The following ADAMTS2 variants were observed in gnomAD, a reference collection of about 807,000 sequenced individuals.
ADAMTS2 encodes A disintegrin and metalloproteinase with thrombospondin motifs 2.
Under a neutral mutation model 123.0 loss-of-function variants are expected in ADAMTS2, and 50 were observed. The ratio of observed to expected loss-of-function variants is 0.41; its 90% confidence interval spans 0.32 to 0.51. The LOEUF (loss-of-function observed/expected upper bound fraction) is 0.51. ADAMTS2 is among the 20% of genes least tolerant of loss of function. The pLI, the probability that ADAMTS2 is intolerant of heterozygous loss-of-function variation, is 0.35. For synonymous variants in ADAMTS2, 678 were observed against 695.4 expected, an observed-to-expected ratio of 0.98 and a Z score of 0.39; for missense variants, 1,494 against 1,705.2, an observed-to-expected ratio of 0.88 and a Z score of 2.18.
At chr5:179,154,253 C>A in intron 7 of ADAMTS2, 61 bp from the exon 8 acceptor site, 1 of 1,534,084 alleles carries the variant, frequency 6.5e-7, no homozygotes, top group Non-Finnish European at 8.7e-7. Flanking sequence ...AGTCCCACCC[C>A]ACCCCGATGA....
At chr5:179,318,061 G>A (rs540508331) in intron 2 of ADAMTS2, among the ~76,000 whole-genome samples, 85 of 152,272 alleles carry the variant, frequency 5.6e-4, no homozygotes, top group South Asian at 5.0e-3. Context: ...CCCTGGCCAC[G>A]TCTCTACCCT....
At chr5:179,125,281 GCA>G (rs1762834350) in intron 18 of ADAMTS2, 101 bp from the exon 19 acceptor site, 4 of 1,044,130 alleles carry the variant, frequency 3.8e-6, no homozygotes, top group South Asian at 2.6e-5. Flanking sequence ...TAGACAGCGA[GCA>G]CAGAGGGCAG....
At position 179,139,941 on chromosome 5, in the gene ADAMTS2, C is replaced by T. The variant is rs765220801; in HGVS notation, c.1724G>A (p.Arg575His). Residue 575 changes from arginine to histidine, a missense_variant, in exon 11 of 22, where the codon CGT becomes CAT. By Grantham distance (29) the Arg-to-His change is conservative (BLOSUM62 0). Coordinates refer to ENST00000251582, the MANE Select transcript of ADAMTS2 (RefSeq NM_014244.5). ...GAACTTCACGCCCGTGCCACAGGTA[C>T]GTGAGCAGGAGCCAAACGGACTCCA... ...GAWSPFGSCS[R>H]TCGTGVKFRT... is the part of the protein sequence containing the mutation. 8.1e-6 allele frequency: 13 copies of T among 1,613,298 alleles called. No homozygotes were observed. The highest frequency in any genetic ancestry group is 3.3e-5 in the Admixed American group (2 of 60,026).
At position 179,207,642 on chromosome 5, in the gene ADAMTS2, C is replaced by T. The variant is rs753246905; in HGVS notation, c.762G>A (p.Arg254=). 49 of 1,613,668 alleles carry T rather than the reference C, an allele frequency of 3.0e-5. No individual in the cohort carries two copies. The highest frequency in any genetic ancestry group is 2.2e-5 in the East Asian group (1 of 44,898). ...CCGCAGCATGCCTGCGTGCCCTCCG[C>T]CTCGAGCTGTTGGCGTGCTCCTCTA... ...GVLEEHANSS[R]RRARRHAADD... The change falls in exon 4 of 22, where the codon AGG becomes AGA. Residue 254 remains arginine, a synonymous_variant. Coordinates refer to ENST00000251582, the MANE Select transcript of ADAMTS2 (RefSeq NM_014244.5).
chr5:179,171,039 T>C (rs541964179), intron 5 of ADAMTS2, among the ~76,000 whole-genome samples: 1 of 152,288 alleles, frequency 6.6e-6, no homozygotes, highest in South Asian at 2.1e-4. Context: ...ATTGGACGGG[T>C]TGAGTTTATG....
chr5:179,279,151 T>C (rs775560869), intron 2 of ADAMTS2, among the ~76,000 whole-genome samples: 5 of 151,934 alleles, frequency 3.3e-5, no homozygotes, highest in Non-Finnish European at 7.4e-5. Flanking sequence ...ACCTGGTCTG[T>C]CACTCAACCT....
chr5:179,252,009 C>CTTTTT (rs200457965), intron 3 of ADAMTS2, among the ~76,000 whole-genome samples: 10 of 135,768 alleles, frequency 7.4e-5, no homozygotes, highest in African/African-American at 2.2e-4. Context: ...TTTTTCTTTT[C>CTTTTT]TTTTTTTTTT....
intron 3 of ADAMTS2, among the ~76,000 whole-genome samples, chr5:179,251,242 G>A (rs1003934057): frequency 6.6e-6 from 1 of 152,092 alleles, no homozygotes; most frequent in African/African-American, 2.4e-5. Flanking sequence ...ACATCCACAC[G>A]GTACTGGAAG....
intron 5 of ADAMTS2, among the ~76,000 whole-genome samples, chr5:179,167,062 C>G (rs752419515): frequency 4.3e-4 from 66 of 152,208 alleles, no homozygotes; most frequent in Non-Finnish European, 1.8e-4. Flanking sequence ...CCGGCAGATG[C>G]TGACCCCAGC....
At chr5:179,196,627 G>C (rs1764439116) in intron 4 of ADAMTS2, among the ~76,000 whole-genome samples, 1 of 152,220 alleles carries the variant, frequency 6.6e-6, no homozygotes, top group Admixed American at 6.5e-5. Context: ...ACTGTGCTCA[G>C]TACTTCCCTA....
chr5:179,287,253 A>G (rs1478046806), intron 2 of ADAMTS2, among the ~76,000 whole-genome samples: 7 of 152,214 alleles, frequency 4.6e-5, no homozygotes, highest in Admixed American at 4.6e-4. Flanking sequence ...GGGAAGTAGG[A>G]GCCCGCCCAG....
At chr5:179,206,246 G>A (rs988519651) in intron 4 of ADAMTS2, among the ~76,000 whole-genome samples, 2 of 152,174 alleles carry the variant, frequency 1.3e-5, no homozygotes, top group African/African-American at 4.8e-5. Context: ...GCATGAAGGT[G>A]GTGTCTCTGT....
intron 3 of ADAMTS2, among the ~76,000 whole-genome samples, chr5:179,246,356 T>G (rs973524776): frequency 2.0e-5 from 3 of 152,216 alleles, no homozygotes; most frequent in Non-Finnish European, 4.4e-5. Flanking sequence ...TGAAGTGGTT[T>G]CCCAGACAGT....
chr5:179,211,211 T>C (rs1447810008), intron 3 of ADAMTS2, among the ~76,000 whole-genome samples: 8 of 152,214 alleles, frequency 5.3e-5, no homozygotes, highest in Admixed American at 5.2e-4. Context: ...CTGTGGTGAC[T>C]GGGAGCTCAC....
chr5:179,191,300 C>T (rs1042877033), intron 4 of ADAMTS2, among the ~76,000 whole-genome samples: 1 of 152,164 alleles, frequency 6.6e-6, no homozygotes, highest in Admixed American at 6.5e-5. Flanking sequence ...GCCACAGAGC[C>T]CTGGGGGGCT....
In ADAMTS2 at chr5:179,128,034, C is replaced by T. The variant is rs766088822; in HGVS notation, c.2542G>A (p.Val848Ile). 5 of 1,613,986 alleles carry T rather than the reference C, an allele frequency of 3.1e-6. No homozygotes were observed. Among genetic ancestry groups the T allele is most frequent in the Non-Finnish European group, 3.4e-6 (4 of 1,180,044 alleles). ...EDSLNVDDNN[V>I]LEEDSVVYEW... ...TAGACCACAGAGTCCTCTTCCAGGA[C>T]GTTGTTGTCGTCGACATTCAGTGAG... The change falls in exon 17 of 22, where the codon GTC (valine) becomes ATC (isoleucine). Residue 848 changes from valine (V) to isoleucine (I), a missense_variant. Physicochemically the swap from Val to Ile is conservative, Grantham distance 29 (BLOSUM62 3). This residue lies in a region of ADAMTS2 where 953 missense variants were observed against 1,124.7 expected (regional missense o/e 0.85). Coordinates refer to ENST00000251582, the MANE Select transcript of ADAMTS2 (RefSeq NM_014244.5). This position sits in a 1 kb window ranked among gnomAD's most constrained non-coding sequence, Gnocchi z 4.9.
rs190693836 is a variant in ADAMTS2 at position 179,196,010 on chromosome 5, G to A, written c.891+11503C>T. On this transcript the variant is annotated intron_variant, in intron 4 of 21. Transcript: ENST00000251582. Reference sequence around the variant, plus strand: ...CCGCCTGGCTGGTTTGCATCTCTGCGGCCAGTTTACGAGATTTCCACCACG... The same window carrying A: ...CCGCCTGGCTGGTTTGCATCTCTGCAGCCAGTTTACGAGATTTCCACCACG... Among the ~76,000 whole-genome samples, 12 of 152,250 alleles carry A rather than the reference G, an allele frequency of 7.9e-5. No individual in the cohort carries two copies. The East Asian group carries it at 1.2e-3, about 15-fold the overall frequency.
chr5:179,222,464 G>C (rs1389209103), intron 3 of ADAMTS2, among the ~76,000 whole-genome samples: 1 of 152,200 alleles, frequency 6.6e-6, no homozygotes, highest in Non-Finnish European at 1.5e-5. Context: ...CAGGAGGGGA[G>C]GGAGGGCCAC....
chr5:179,293,256 A>G (rs1756238527), intron 2 of ADAMTS2, among the ~76,000 whole-genome samples: 1 of 152,264 alleles, frequency 6.6e-6, no homozygotes, highest in African/African-American at 2.4e-5. Flanking sequence ...TTCACAAAAG[A>G]GGCAGCGGCC....
Sources: gnomAD v4.1 joint callset for allele counts (sites outside exome capture counted in the v4.1 genomes callset) on GRCh38, gnomAD v4.1.1 for gene constraint, gnomAD v4.1.1 regional missense constraint, Gnocchi (gnomAD v3.1) non-coding constraint, MANE v1.5 for transcripts, NCBI Gene and HGNC (gene_info 2026-07-23, HGNC 2026-07-21) for gene names.